THRB: variants seen among roughly 807,000 people sequenced by gnomAD.
The protein encoded by THRB is nuclear receptor subfamily 1 group A member 2.
In THRB, 12 loss-of-function variants were observed where a neutral mutation model predicts 47.8. That is an observed-to-expected ratio of 0.25 (90% CI 0.16 to 0.41). The LOEUF is 0.41. THRB is among the 10% of genes least tolerant of loss of function. THRB has a pLI of 1.00. For synonymous variants in THRB, 218 were observed against 212.2 expected, an observed-to-expected ratio of 1.03 and a Z score of -0.24; for missense variants, 348 against 589.2, an observed-to-expected ratio of 0.59 and a Z score of 4.24.
In THRB at chr3:24,265,489, A is replaced by C. The variant is rs2052556353; in HGVS notation, c.-43+31737T>G. ...GGACATATATTTAAATTTATTCAAA[A>C]TTTTATGTTCTAAGTCTAATCAGGT... On this transcript the variant is annotated intron_variant, in intron 3 of 10. Transcript: ENST00000646209. Among the ~76,000 whole-genome samples the C allele has an allele frequency of 1.3e-5, 2 of 152,236 alleles. 1 individual carries two copies. The highest frequency in any genetic ancestry group is 2.9e-5 in the Non-Finnish European group (2 of 68,030).
At chr3:24,194,341 G>C (rs2043710725) in intron 4 of THRB, among the ~76,000 whole-genome samples, 3 of 50,066 alleles carry the variant, frequency 6.0e-5, no homozygotes, top group Non-Finnish European at 1.2e-4. Context: ...CACAGTAGTA[G>C]AAGTAATATT....
chr3:24,125,351 C>A (rs773914653), intron 10 of THRB, among the ~76,000 whole-genome samples: 6 of 152,118 alleles, frequency 3.9e-5, no homozygotes, highest in Non-Finnish European at 5.9e-5. Flanking sequence ...TCTCTCCTTG[C>A]CTTATTTGGA....
At chr3:24,338,513 A>G (rs954944740) in intron 1 of THRB, among the ~76,000 whole-genome samples, 5 of 152,198 alleles carry the variant, frequency 3.3e-5, no homozygotes, top group African/African-American at 1.2e-4. Flanking sequence ...ATTCCCTTTA[A>G]CTGCCACATT....
chr3:24,135,578 A>G (rs927194324), intron 8 of THRB, among the ~76,000 whole-genome samples: 1 of 152,094 alleles, frequency 6.6e-6, no homozygotes, highest in Non-Finnish European at 1.5e-5. Context: ...TGAAATAATC[A>G]CATGTACAGC....
At chr3:24,382,769 A>G (rs1462717393) in intron 1 of THRB, among the ~76,000 whole-genome samples, 1 of 152,134 alleles carries the variant, frequency 6.6e-6, no homozygotes, top group African/African-American at 2.4e-5. Flanking sequence ...ATTTTTCTCC[A>G]AACACATGCT....
chr3:24,166,830 G>A (rs1459379520), intron 5 of THRB, among the ~76,000 whole-genome samples: 1 of 152,148 alleles, frequency 6.6e-6, no homozygotes, highest in African/African-American at 2.4e-5. Flanking sequence ...TTTCAACAGT[G>A]AGACCTTTGC....
chr3:24,162,684 T>C (rs982778959), intron 5 of THRB, among the ~76,000 whole-genome samples: 3 of 79,564 alleles, frequency 3.8e-5, no homozygotes, highest in African/African-American at 1.9e-4. Context: ...CGGCTATGAA[T>C]GCAAAAAAAA....
chr3:24,122,430 A>G lies in THRB; in HGVS notation c.*454T>C, dbSNP rs826374. On this transcript the variant is annotated 3_prime_UTR_variant, in exon 11 of 11. Transcript: ENST00000646209. Reference sequence around the variant, plus strand: ...GAAAATTTGTTCGAGTCTTTCCCTAAAAGGCTGAAAGCCACATCTAACTAA... The same window carrying G: ...GAAAATTTGTTCGAGTCTTTCCCTAGAAGGCTGAAAGCCACATCTAACTAA... 1.8e-5 allele frequency: 4 copies of G among 219,534 alleles called. No homozygotes were observed. Among genetic ancestry groups the G allele is most frequent in the Non-Finnish European group, 3.7e-5 (4 of 108,860 alleles). 13.6% of individuals were successfully genotyped at this position (219,534 alleles called of 1,614,324 possible). A position where few individuals can be genotyped will look rare whatever the true frequency, so the allele number is the denominator to read the frequency against.
intron 3 of THRB, among the ~76,000 whole-genome samples, chr3:24,230,868 T>A (rs1020738266): frequency 6.6e-6 from 1 of 152,166 alleles, no homozygotes; most frequent in African/African-American, 2.4e-5. Flanking sequence ...AGAGATATTA[T>A]CTAGTTCCTC....
At chr3:24,152,685 T>C (rs1012037193) in intron 5 of THRB, among the ~76,000 whole-genome samples, 195 bp from the exon 6 acceptor site, 2 of 151,818 alleles carry the variant, frequency 1.3e-5, no homozygotes, top group African/African-American at 4.8e-5. Flanking sequence ...CAGAATGCCT[T>C]AGAAATAGCT....
intron 5 of THRB, among the ~76,000 whole-genome samples, chr3:24,178,010 T>C (rs2041392465): frequency 2.0e-5 from 3 of 152,306 alleles, no homozygotes; most frequent in Middle Eastern, 6.8e-3. Context: ...AGGTGTTCCC[T>C]AGGTAAGTAT....
intron 1 of THRB, among the ~76,000 whole-genome samples, chr3:24,489,478 C>T (rs1697814166): frequency 6.6e-6 from 1 of 152,096 alleles, no homozygotes; most frequent in Admixed American, 6.6e-5. Flanking sequence ...GAAACACTTT[C>T]CAGGGAGTAT....
chr3:24,332,883 CATCTCTACTAAAAATACAAAAAATTA>C (rs2062013887), intron 2 of THRB, among the ~76,000 whole-genome samples: 7 of 152,002 alleles, frequency 4.6e-5, no homozygotes, highest in Non-Finnish European at 8.8e-5. Flanking sequence ...GGTGAAACCC[CATCTCTACTAAAAATACAAAAAATTA>C]GCCATCTCTA....
intron 1 of THRB, among the ~76,000 whole-genome samples, chr3:24,376,508 T>C (rs371624888): frequency 1.9e-4 from 29 of 152,092 alleles, no homozygotes; most frequent in African/African-American, 6.8e-4. Context: ...AAGAAAATCA[T>C]ATGTGAGACC....
chr3:24,299,784 T>TTTTTTTG (rs2056790762), intron 2 of THRB, among the ~76,000 whole-genome samples: 1 of 59,330 alleles, frequency 1.7e-5, no homozygotes, highest in Non-Finnish European at 3.4e-5. Context: ...TTTATTTATT[T>TTTTTTTG]ATTTATTTTT....
At chr3:24,168,254 T>A (rs183332432) in intron 5 of THRB, among the ~76,000 whole-genome samples, 236 of 152,200 alleles carry the variant, frequency 1.6e-3, no homozygotes, top group Middle Eastern at 6.8e-3. Context: ...AGCAATCACA[T>A]CTGTCACCTG....
chr3:24,131,291 C>T (rs984567831), intron 9 of THRB, among the ~76,000 whole-genome samples: 2 of 152,134 alleles, frequency 1.3e-5, no homozygotes, highest in African/African-American at 4.8e-5. Flanking sequence ...AAATCATTAC[C>T]TTTATTATGT....
chr3:24,468,429 T>C (rs1459916366), intron 1 of THRB, among the ~76,000 whole-genome samples: 1 of 152,242 alleles, frequency 6.6e-6, no homozygotes, highest in Non-Finnish European at 1.5e-5. Context: ...TTTCAGCTTT[T>C]GACATGCCTT....
chr3:24,167,539 T>C (rs993481283), intron 5 of THRB, among the ~76,000 whole-genome samples: 1 of 152,200 alleles, frequency 6.6e-6, no homozygotes, highest in Non-Finnish European at 1.5e-5. Context: ...CCAGGCCTTA[T>C]GTTTTTTTGT....
Sources: allele counts gnomAD v4.1 joint callset (sites outside exome capture counted in the v4.1 genomes callset), GRCh38; gene constraint gnomAD v4.1.1; transcripts MANE v1.5; gene names NCBI Gene and HGNC (gene_info 2026-07-23, HGNC 2026-07-21).